Variants in GNG7 observed in about 807,000 individuals in gnomAD.
The protein encoded by GNG7 is G protein subunit gamma 7, also known as guanine nucleotide-binding protein G(I)/G(S)/G(O) subunit gamma-7.
A neutral mutation model predicts 4.0 loss-of-function variants in GNG7; 1 was observed. The observed-to-expected ratio is 0.25, with a 90% confidence interval of 0.09 to 1.18. GNG7 has a LOEUF of 1.18. Ranked by LOEUF, GNG7 falls within the 50% of genes most tolerant of loss-of-function variation. The pLI, the probability that GNG7 is intolerant of heterozygous loss-of-function variation, is 0.50. For synonymous variants in GNG7, 34 were observed against 36.9 expected (o/e 0.92, Z 0.29); for missense variants, 86 against 91.9 (o/e 0.94, Z 0.26).
At chr19:2,554,037 C>T (rs1003531052) in intron 3 of GNG7, among the ~76,000 whole-genome samples, 11 of 135,242 alleles carry the variant, frequency 8.1e-5, no homozygotes, top group African/African-American at 2.3e-4. Flanking sequence ...TACACAGTGG[C>T]GTGCACCTAT....
At chr19:2,701,871 A>T (rs1469405723) in intron 1 of GNG7, among the ~76,000 whole-genome samples, 4 of 111,800 alleles carry the variant, frequency 3.6e-5, no homozygotes, top group Non-Finnish European at 6.9e-5. Context: ...TTCCACTTCC[A>T]GCCCCCTCCC....
chr19:2,669,934 C>T (rs1177877991), intron 1 of GNG7, among the ~76,000 whole-genome samples: 4 of 149,414 alleles, frequency 2.7e-5, no homozygotes, highest in African/African-American at 9.9e-5. Context: ...CACTTGAACT[C>T]GGGAGGTAGA....
intron 3 of GNG7, among the ~76,000 whole-genome samples, chr19:2,553,884 A>G (rs534000788): frequency 6.7e-6 from 1 of 148,280 alleles, no homozygotes; most frequent in East Asian, 2.0e-4. Context: ...ATACATGTAC[A>G]TATTCTATGT....
intron 2 of GNG7, among the ~76,000 whole-genome samples, chr19:2,604,705 G>A (rs1022885408): frequency 1.3e-5 from 2 of 151,086 alleles, no homozygotes; most frequent in Admixed American, 6.6e-5. Context: ...AGGGAGGGAG[G>A]GAAAAGAGAA....
chr19:2,553,773 A>G (rs1473819980), intron 3 of GNG7, among the ~76,000 whole-genome samples: 2 of 147,270 alleles, frequency 1.4e-5, no homozygotes, highest in Non-Finnish European at 3.0e-5. Context: ...ATTGCATGTA[A>G]TGTTATATCA....
intron 3 of GNG7, among the ~76,000 whole-genome samples, chr19:2,553,771 T>C (rs1055633514): frequency 1.2e-4 from 18 of 147,636 alleles, no homozygotes; most frequent in Non-Finnish European, 2.2e-4. Context: ...ATATTGCATG[T>C]AATGTTATAT....
At chr19:2,674,304 T>C (rs1252416761) in intron 1 of GNG7, among the ~76,000 whole-genome samples, 1 of 151,974 alleles carries the variant, frequency 6.6e-6, no homozygotes, top group Non-Finnish European at 1.5e-5. Context: ...TGAAATATAA[T>C]GGAAATACAC....
At chr19:2,560,097 G>A (rs1245468234) in intron 2 of GNG7, among the ~76,000 whole-genome samples, 1 of 151,818 alleles carries the variant, frequency 6.6e-6, no homozygotes, top group Non-Finnish European at 1.5e-5. Flanking sequence ...CTCAGGGAAC[G>A]CACGTCCATG....
At chr19:2,599,871 A>T (rs1173728743) in intron 2 of GNG7, among the ~76,000 whole-genome samples, 1 of 151,256 alleles carries the variant, frequency 6.6e-6, no homozygotes, top group East Asian at 1.9e-4. Flanking sequence ...CTGGAGGTGG[A>T]GGTTGCAGAG....
chr19:2,696,555 C>T lies in GNG7; in HGVS notation c.-135+6091G>A, dbSNP rs917393639. ...GTGCTCCATTGCCCAAAGGCAAAAG[C>T]GGCCGAGCGTGTGTTGCTGAATGGA... On this transcript the variant is annotated intron_variant, in intron 1 of 4. Transcript: ENST00000382159. Among the ~76,000 whole-genome samples the T allele has an allele frequency of 1.4e-4, 21 of 152,198 alleles. 1 individual carries two copies. Among genetic ancestry groups the T allele is most frequent in the African/African-American group, 5.1e-4 (21 of 41,456 alleles).
intron 2 of GNG7, among the ~76,000 whole-genome samples, chr19:2,567,444 G>C (rs1212601006): frequency 2.0e-5 from 3 of 151,454 alleles, no homozygotes; most frequent in African/African-American, 7.3e-5. Context: ...CCCTGCCTCA[G>C]CCTCCTGAGC....
At chr19:2,556,223 C>T (rs1021546450) in intron 2 of GNG7, among the ~76,000 whole-genome samples, 4 of 152,248 alleles carry the variant, frequency 2.6e-5, no homozygotes, top group Non-Finnish European at 5.9e-5. Flanking sequence ...CCGGCAGCCC[C>T]ACTTGGAGAA....
At chr19:2,642,972 C>T (rs1306003428) in intron 2 of GNG7, 1 of 448,686 alleles carries the variant, frequency 2.2e-6, no homozygotes, top group South Asian at 1.6e-5. Flanking sequence ...CGTCGGCACC[C>T]GAAATGCAAA....
chr19:2,564,391 G>A (rs1208282382), intron 2 of GNG7, among the ~76,000 whole-genome samples: 2 of 152,062 alleles, frequency 1.3e-5, no homozygotes, highest in African/African-American at 4.8e-5. Context: ...GACCAGCCTG[G>A]CCAACGTGGT....
intron 4 of GNG7, among the ~76,000 whole-genome samples, chr19:2,519,375 C>T (rs1474720706): frequency 5.9e-5 from 9 of 151,620 alleles, no homozygotes; most frequent in East Asian, 5.8e-4. Context: ...AGGCTGGTCT[C>T]GAACCCCTGA....
intron 2 of GNG7, among the ~76,000 whole-genome samples, chr19:2,585,993 C>A (rs1288899770): frequency 1.3e-5 from 2 of 152,208 alleles, no homozygotes; most frequent in Admixed American, 6.5e-5. Context: ...AACCGCCGTG[C>A]CCCGGCCAAA....
chr19:2,598,374 T>A (rs1981090932), intron 2 of GNG7, among the ~76,000 whole-genome samples: 1 of 151,116 alleles, frequency 6.6e-6, no homozygotes. Context: ...AAATACAGAA[T>A]TGGCCGGGCG....
chr19:2,655,184 G>A (rs1180238321), intron 1 of GNG7, among the ~76,000 whole-genome samples: 6 of 126,906 alleles, frequency 4.7e-5, no homozygotes, highest in African/African-American at 1.7e-4. Context: ...GCAAGACTCT[G>A]TCTCAAAAAA....
At chr19:2,586,393 T>C (rs925887228) in intron 2 of GNG7, among the ~76,000 whole-genome samples, 1 of 152,134 alleles carries the variant, frequency 6.6e-6, no homozygotes, top group African/African-American at 2.4e-5. Flanking sequence ...AGCAGGCCCA[T>C]AAATTCAAAG....
Sources: gnomAD v4.1 joint callset for allele counts (sites outside exome capture counted in the v4.1 genomes callset) on GRCh38, gnomAD v4.1.1 for gene constraint, MANE v1.5 for transcripts, NCBI Gene and HGNC (gene_info 2026-07-23, HGNC 2026-07-21) for gene names.